FAM169A: variants seen among roughly 807,000 people sequenced by gnomAD.
The protein encoded by FAM169A is family with sequence similarity 169 member A.
A neutral mutation model predicts 75.7 loss-of-function variants in FAM169A; 24 were observed. That is an observed-to-expected ratio of 0.32 (90% CI 0.23 to 0.45). FAM169A has a LOEUF of 0.45. Ranked by LOEUF, FAM169A falls within the 20% of genes least tolerant of loss-of-function variation. The probability of loss-of-function intolerance (pLI) is 1.00; values close to 1 mark genes in which losing one functional copy is unlikely to be tolerated. For synonymous variants in FAM169A, 271 were observed against 271.0 expected (o/e 1.00, Z 0.00); for missense variants, 673 against 784.0 (o/e 0.86, Z 1.69).
intron 1 of FAM169A, among the ~76,000 whole-genome samples, chr5:74,845,577 T>G (rs1364743082): frequency 6.6e-6 from 1 of 152,184 alleles, no homozygotes; most frequent in Non-Finnish European, 1.5e-5. Context: ...GAGCCTAATT[T>G]TATATAAATA....
At chr5:74,857,429 T>C (rs1749768778) in intron 1 of FAM169A, among the ~76,000 whole-genome samples, 1 of 151,698 alleles carries the variant, frequency 6.6e-6, no homozygotes, top group African/African-American at 2.4e-5. Context: ...TACGCACCTG[T>C]AGTCCCAGCT....
At chr5:74,863,097 A>G (rs1265290959) in intron 1 of FAM169A, among the ~76,000 whole-genome samples, 1 of 152,064 alleles carries the variant, frequency 6.6e-6, no homozygotes, top group Non-Finnish European at 1.5e-5. Context: ...AAAATAGGTT[A>G]GCATAGATGA....
chr5:74,803,099 A>C (rs886985090), intron 8 of FAM169A, among the ~76,000 whole-genome samples: 1 of 152,176 alleles, frequency 6.6e-6, no homozygotes, highest in Non-Finnish European at 1.5e-5. Context: ...AAAATCTTAA[A>C]TAGGTTAGAT....
chr5:74,866,695 T>A (rs554427003), upstream of FAM169A: 91 of 953,424 alleles, frequency 9.5e-5, no homozygotes, highest in Middle Eastern at 5.4e-3. Context: ...TAAAAATAGA[T>A]GCGGTTAAGC....
chr5:74,856,895 G>A (rs1487890800), intron 1 of FAM169A, among the ~76,000 whole-genome samples: 1 of 150,774 alleles, frequency 6.6e-6, no homozygotes, highest in East Asian at 2.0e-4. Context: ...AGATCACAGG[G>A]TCAGGAGATC....
chr5:74,864,569 TGAATA>T (rs1407190593), intron 1 of FAM169A, among the ~76,000 whole-genome samples: 2 of 152,220 alleles, frequency 1.3e-5, no homozygotes, highest in African/African-American at 4.8e-5. Flanking sequence ...TGTAATGACA[TGAATA>T]CTATCTCAAA....
intron 1 of FAM169A, among the ~76,000 whole-genome samples, chr5:74,857,572 G>GCAAAAAA (rs1554053966): frequency 1.8e-5 from 1 of 56,290 alleles, no homozygotes; most frequent in African/African-American, 5.0e-5. Flanking sequence ...CTTGCCGCGG[G>GCAAAAAA]AAAAAAAAAA....
intron 1 of FAM169A, chr5:74,865,513 C>T (rs1750275077): frequency 6.6e-6 from 1 of 152,204 alleles, no homozygotes; most frequent in Admixed American, 6.5e-5. Flanking sequence ...ACCCCCGAGC[C>T]ATAAACCACC....
intron 11 of FAM169A, 74 bp downstream of exon 11, chr5:74,795,956 T>C: frequency 2.7e-6 from 4 of 1,470,512 alleles, no homozygotes; most frequent in Non-Finnish European, 3.7e-6. Context: ...GCTATACTTT[T>C]CTAACAACAT....
At chr5:74,840,822 C>G (rs1748825677) in intron 2 of FAM169A, among the ~76,000 whole-genome samples, 1 of 150,874 alleles carries the variant, frequency 6.6e-6, no homozygotes, top group South Asian at 2.1e-4. Context: ...GACCGAGACT[C>G]CATCTCAAAA....
rs757934117 is a variant in FAM169A, at chr5:74,783,108, A to C, written c.1287T>G (p.Gly429=). ...TCTTAAGAGAATCGTCCATTATCTC[A>C]CCATTCATAGGCTCTAATTCAGATT... is the stretch of plus-strand genomic sequence containing the variant. ...EKESELEPMN[G]EIMDDSLKTS... Residue 429 remains glycine, a synonymous_variant, in exon 12 of 13, where the codon GGT becomes GGG. Coordinates refer to ENST00000687041, the MANE Select transcript of FAM169A (RefSeq NM_001376049.1). 2 of 1,613,162 alleles carry C rather than the reference A, an allele frequency of 1.2e-6. No homozygotes were observed. The highest frequency in any genetic ancestry group is 1.1e-5 in the South Asian group (1 of 91,048).
At chr5:74,789,573 G>A (rs553265786) in intron 11 of FAM169A, among the ~76,000 whole-genome samples, 80 of 152,222 alleles carry the variant, frequency 5.3e-4, no homozygotes, top group Non-Finnish European at 8.1e-4. Flanking sequence ...CCAGGCTGCT[G>A]TGCAAGCTGC....
chr5:74,792,197 A>T (rs1746012404), intron 11 of FAM169A, among the ~76,000 whole-genome samples: 1 of 152,168 alleles, frequency 6.6e-6, no homozygotes, highest in East Asian at 1.9e-4. Context: ...CAAGGGGTAG[A>T]CTTGTAATGG....
intron 11 of FAM169A, among the ~76,000 whole-genome samples, chr5:74,795,286 A>C (rs548064274): frequency 1.3e-5 from 2 of 152,292 alleles, no homozygotes; most frequent in Admixed American, 1.3e-4. Context: ...AAAATTGGTA[A>C]TATAATTTCA....
chr5:74,864,523 C>T (rs1580184493), intron 1 of FAM169A, among the ~76,000 whole-genome samples: 1 of 152,246 alleles, frequency 6.6e-6, no homozygotes, highest in Non-Finnish European at 1.5e-5. Flanking sequence ...CCACCGCACC[C>T]GGCCTATATC....
At chr5:74,801,958 A>T (rs970163870) in intron 8 of FAM169A, among the ~76,000 whole-genome samples, 1 of 152,198 alleles carries the variant, frequency 6.6e-6, no homozygotes, top group Admixed American at 6.5e-5. Flanking sequence ...ATGAGACTTA[A>T]GCCTCCAAAC....
intron 1 of FAM169A, among the ~76,000 whole-genome samples, chr5:74,848,425 T>C (rs2112701692): frequency 6.6e-6 from 1 of 152,278 alleles, no homozygotes; most frequent in South Asian, 2.1e-4. Flanking sequence ...CTTTTAAATA[T>C]AATTATTTTT....
rs780568834 is a variant in FAM169A, at chr5:74,796,040, T to C, written c.1250A>G (p.Asp417Gly). The C allele has an allele frequency of 5.0e-6, 8 of 1,612,998 alleles. No homozygotes were observed. Among genetic ancestry groups the C allele is most frequent in the Non-Finnish European group, 6.8e-6 (8 of 1,179,796 alleles). ...TAAGTGATCTCATACCTTTTCACCATCTTGCTTCTCTTGCTGTGGCTGGGT... is the reference window on the plus strand; with the variant it reads ...TAAGTGATCTCATACCTTTTCACCACCTTGCTTCTCTTGCTGTGGCTGGGT... The part of the protein sequence containing the change: ...LETQPQQEKQ[D>G]GEKESELEPM... The change falls in exon 11 of 13, where the codon GAT (aspartate) becomes GGT (glycine). Residue 417 changes from aspartate to glycine, a missense_variant. Transcript: ENST00000687041.
rs1397420738 is a variant in FAM169A, at chr5:74,811,933, C to T, written c.670+1907G>A. On this transcript the variant is annotated intron_variant, in intron 6 of 12. Transcript: ENST00000687041. ...CTGACACATTGTTTGAGAATACACACGTATGTATTACAAGTCTAAGAAATG... is the reference window on the plus strand; with the variant it reads ...CTGACACATTGTTTGAGAATACACATGTATGTATTACAAGTCTAAGAAATG... 3.3e-5 allele frequency among the ~76,000 whole-genome samples: 5 copies of T among 152,112 alleles called. No homozygotes were observed. In the East Asian group the frequency reaches 7.7e-4, roughly 23 times the overall value.
Sources: gnomAD v4.1 joint callset for allele counts (sites outside exome capture counted in the v4.1 genomes callset) on GRCh38, gnomAD v4.1.1 for gene constraint, MANE v1.5 for transcripts, NCBI Gene and HGNC (gene_info 2026-07-23, HGNC 2026-07-21) for gene names.